The following EIF2D variants were observed in gnomAD, a reference collection of about 807,000 sequenced individuals.
The protein encoded by EIF2D is hepatocellular carcinoma-associated antigen 56.
A neutral mutation model predicts 77.4 loss-of-function variants in EIF2D; 56 were observed. That is an observed-to-expected ratio of 0.72 (90% CI 0.58 to 0.90). The LOEUF is 0.90. EIF2D is among the 40% of genes least tolerant of loss of function. The pLI, the probability that EIF2D is intolerant of heterozygous loss-of-function variation, is 0.00. For missense variants in EIF2D, 574 were observed against 706.5 expected, an observed-to-expected ratio of 0.81 and a Z score of 2.13; for synonymous variants, 230 against 271.0, an observed-to-expected ratio of 0.85 and a Z score of 1.49.
In EIF2D at chr1:206,603,056, C is replaced by T; in HGVS notation, c.679G>A (p.Gly227Arg). The T allele has an allele frequency of 6.2e-7, 1 of 1,614,172 alleles. No individual in the cohort carries two copies. Among genetic ancestry groups the T allele is most frequent in the Non-Finnish European group, 8.5e-7 (1 of 1,180,036 alleles). ...TCTTCACGTGCCTGGTGAACCTCCC[C>T]ATTCTCCTCTTCCCCCTCCAGGGTC... ...HMTLEGEEEN[G>R]EVHQAREDKS... The change falls in exon 6 of 15, where the codon GGG (glycine) becomes AGG (arginine). Residue 227 changes from glycine (G) to arginine (R), a missense_variant. Coordinates refer to ENST00000271764, the MANE Select transcript of EIF2D (RefSeq NM_006893.3).
downstream of EIF2D, among the ~76,000 whole-genome samples, chr1:206,569,362 G>C (rs1169258368): frequency 6.6e-6 from 1 of 152,196 alleles, no homozygotes; most frequent in Non-Finnish European, 1.5e-5. Flanking sequence ...GAGGAGGCTT[G>C]GCTAGCCAAG....
chr1:206,593,514 T>TGTGCGTGTGTGTGTGTGC (rs1254915986), intron 14 of EIF2D, 105 bp downstream of exon 14: 1 of 654,592 alleles, frequency 1.5e-6, no homozygotes. Flanking sequence ...AGAGAGTGTG[T>TGTGCGTGTGTGTGTGTGC]GTGTGTGTGT....
downstream of EIF2D, among the ~76,000 whole-genome samples, chr1:206,591,450 A>C (rs4844541): frequency 6.6e-6 from 1 of 151,860 alleles, no homozygotes; most frequent in African/African-American, 2.4e-5. Flanking sequence ...GAAGGTCTTT[A>C]AAAAGAGGAA....
chr1:206,602,102 C>G, intron 7 of EIF2D: 1 of 471,420 alleles, frequency 2.1e-6, no homozygotes, highest in Non-Finnish European at 3.8e-6. Flanking sequence ...CTTTCCGGTC[C>G]TCAATATCCT....
chr1:206,574,000 G>A (rs1208937238), intron 4 of EIF2D, among the ~76,000 whole-genome samples: 1 of 152,214 alleles, frequency 6.6e-6, no homozygotes, highest in Non-Finnish European at 1.5e-5. Context: ...GTTATTTAGG[G>A]GATTAAATGA....
At chr1:206,576,257 T>G (rs1247651724) in intron 4 of EIF2D, among the ~76,000 whole-genome samples, 1 of 152,212 alleles carries the variant, frequency 6.6e-6, no homozygotes, top group Non-Finnish European at 1.5e-5. Context: ...AGCCAGCAGC[T>G]GCAGAGATCT....
chr1:206,595,736 T>C lies in EIF2D; in HGVS notation c.1491A>G (p.Gln497=), dbSNP rs1553409899. Residue 497 remains glutamine, a synonymous_variant, in exon 13 of 15, where the codon CAA becomes CAG. Coordinates refer to ENST00000271764, the MANE Select transcript of EIF2D (RefSeq NM_006893.3). ...AAATTACCTTTTTATTAGACGCTCT[T>C]TGTGCTAGGGTGATGTCAATTGGAC... is the stretch of plus-strand genomic sequence containing the variant. ...RICPIDITLA[Q]RASNKKVTVV... is the part of the protein sequence containing the mutation. 1.2e-6 allele frequency: 2 copies of C among 1,613,448 alleles called. No homozygotes were observed. The highest frequency in any genetic ancestry group is 1.7e-6 in the Non-Finnish European group (2 of 1,179,640).
At position 206,577,956 on chromosome 1, in the gene EIF2D, G is replaced by T. The variant is rs1383120312; in HGVS notation, c.*254+2736C>A. Among the ~76,000 whole-genome samples, 3 of 152,070 alleles carry T rather than the reference G, an allele frequency of 2.0e-5. No homozygotes were observed. In the East Asian group the frequency reaches 5.8e-4, roughly 29 times the overall value. ...TAATGTAAGCAGCCAGGCGCGGTGGGTCACACCTGTAATCCTGGCACTTCG... is the reference window on the plus strand; with the variant it reads ...TAATGTAAGCAGCCAGGCGCGGTGGTTCACACCTGTAATCCTGGCACTTCG... On this transcript the variant is annotated intron_variant and NMD_transcript_variant, in intron 4 of 5. Transcript: ENST00000472709.
rs782218272 is a variant in EIF2D, at chr1:206,584,508, C to T, written c.139-3346G>A. 8.6e-5 allele frequency: 139 copies of T among 1,613,946 alleles called. No homozygotes were observed. In the Admixed American group the frequency reaches 1.8e-3, roughly 21 times the overall value. On this transcript the variant is annotated intron_variant and NMD_transcript_variant, in intron 2 of 5. Coordinates refer to the EIF2D transcript ENST00000472709. This position sits in a 1 kb window ranked among gnomAD's most constrained non-coding sequence, Gnocchi z 4.9. ...GATGCCATCAAGGAGGTGAACCTGG[C>T]GGCTACCACGGACAAGCGGACATCC...
In EIF2D at chr1:206,603,187, G is replaced by A; in HGVS notation, c.548C>T (p.Ser183Phe). 6.2e-7 allele frequency: 1 copy of A among 1,613,566 alleles called. No individual in the cohort carries two copies. The highest frequency in any genetic ancestry group is 8.5e-7 in the Non-Finnish European group (1 of 1,179,568). ...CAGTGGAGCAATGGAAGGTGGAGAG[G>A]ACTTGTTTCCAGACCGCCTGGAAAA... ...QDHLWRSGNKSSPPSIAPLAL... is the reference protein window; with the variant it reads ...QDHLWRSGNKFSPPSIAPLAL... The change falls in exon 6 of 15, where the codon TCC (serine) becomes TTC (phenylalanine). Residue 183 changes from serine (S) to phenylalanine (F), a missense_variant. Transcript: ENST00000271764.
chr1:206,606,149 T>C (rs1280957522), intron 4 of EIF2D, among the ~76,000 whole-genome samples: 1 of 152,216 alleles, frequency 6.6e-6, no homozygotes, highest in Non-Finnish European at 1.5e-5. Flanking sequence ...TACTCAAGCA[T>C]TGATCAATCA....
At chr1:206,583,302 C>T in intron 2 of EIF2D, 1 of 1,613,828 alleles carries the variant, frequency 6.2e-7, no homozygotes, top group Non-Finnish European at 8.5e-7. Flanking sequence ...GACACAGCGC[C>T]CGCCCACACT....
intron 6 of EIF2D, 152 bp from the exon 7 acceptor site, chr1:206,602,605 T>G: frequency 1.4e-6 from 1 of 707,612 alleles, no homozygotes; most frequent in East Asian, 2.5e-5. Context: ...TCTTGAGCAC[T>G]GAGCCTTTAA....
At chr1:206,576,855 G>A (rs1204228902) in intron 4 of EIF2D, among the ~76,000 whole-genome samples, 3 of 152,172 alleles carry the variant, frequency 2.0e-5, no homozygotes, top group Non-Finnish European at 4.4e-5. Flanking sequence ...AGGCTGGAGT[G>A]CAGTGGCACA....
chr1:206,600,047 A>C (rs917317361), intron 8 of EIF2D, among the ~76,000 whole-genome samples: 1 of 152,158 alleles, frequency 6.6e-6, no homozygotes. Flanking sequence ...CAGAACTCTA[A>C]TCAGATATAA....
Position 206,591,807 on chromosome 1 carries a change from C to A in EIF2D, c.1723G>T (p.Glu575Ter). The A allele has an allele frequency of 6.2e-7, 1 of 1,614,200 alleles. No homozygotes were observed. Residue 575 changes from glutamate to a stop codon, truncating the protein, a stop_gained, in exon 15 of 15, where the codon GAA becomes TAA. Transcript: ENST00000271764. LOFTEE classifies it high-confidence loss of function. ...TTCTTGCCAGGTTTGAGGGCCTTTT[C>A]TAGACCTTGGATGTGTTTTCGAGGG... ...QLPRKHIQGLEKALKPGKKK is the reference protein window; with the variant it reads ...QLPRKHIQGL
Position 206,584,481 on chromosome 1 carries a change from A to G in EIF2D, c.139-3319T>C. On this transcript the variant is annotated intron_variant and NMD_transcript_variant, in intron 2 of 5. Transcript: ENST00000472709. This position sits in a 1 kb window ranked among gnomAD's most constrained non-coding sequence, Gnocchi z 4.9. ...GCTGGGATCCGGCCCCAGTCCATCT[A>G]TGATGCCATCAAGGAGGTGAACCTG... 3 of 1,614,050 alleles carry G rather than the reference A, an allele frequency of 1.9e-6. No homozygotes were observed. Among genetic ancestry groups the G allele is most frequent in the Non-Finnish European group, 2.5e-6 (3 of 1,180,002 alleles).
intron 4 of EIF2D, among the ~76,000 whole-genome samples, chr1:206,575,642 AG>A (rs2103558624): frequency 1.3e-5 from 2 of 152,338 alleles, no homozygotes; most frequent in South Asian, 2.1e-4. Flanking sequence ...GAAATAGAAG[AG>A]GAAGCAATGA....
intron 4 of EIF2D, among the ~76,000 whole-genome samples, chr1:206,605,944 C>T (rs1670183392): frequency 6.6e-6 from 1 of 152,030 alleles, no homozygotes; most frequent in Non-Finnish European, 1.5e-5. Flanking sequence ...CTGAGGGATG[C>T]CATAGGGAAG....
Sources: gnomAD v4.1 joint callset for allele counts (sites outside exome capture counted in the v4.1 genomes callset) on GRCh38, gnomAD v4.1.1 for gene constraint, Gnocchi (gnomAD v3.1) non-coding constraint, MANE v1.5 for transcripts, NCBI Gene and HGNC (gene_info 2026-07-23, HGNC 2026-07-21) for gene names.